Variants in CARMIL1 observed in about 807,000 individuals in gnomAD.
CARMIL1 encodes F-actin-uncapping protein LRRC16A.
Under a neutral mutation model 177.1 loss-of-function variants are expected in CARMIL1, and 90 were observed. The ratio of observed to expected loss-of-function variants is 0.51; its 90% CI spans 0.43 to 0.61. The LOEUF is 0.61. CARMIL1 is among the 20% of genes least tolerant of loss of function. The pLI is 0.00. For synonymous variants in CARMIL1, 577 were observed against 606.2 expected (o/e 0.95, Z 0.71); for missense variants, 1,380 against 1,667.0 (o/e 0.83, Z 3.00).
At chr6:25,300,714 A>T (rs897432850) in intron 2 of CARMIL1, among the ~76,000 whole-genome samples, 1 of 152,208 alleles carries the variant, frequency 6.6e-6, no homozygotes, top group African/African-American at 2.4e-5. Context: ...ACTAAATCAG[A>T]AACTCTGGCA....
chr6:25,369,770 C>T (rs1790221668), intron 2 of CARMIL1, among the ~76,000 whole-genome samples: 1 of 152,104 alleles, frequency 6.6e-6, no homozygotes, highest in Non-Finnish European at 1.5e-5. Context: ...TTGAATTTTC[C>T]CCTTGACTTG....
intron 2 of CARMIL1, among the ~76,000 whole-genome samples, chr6:25,314,753 A>G (rs974274395): frequency 1.3e-5 from 2 of 152,180 alleles, no homozygotes; most frequent in Non-Finnish European, 2.9e-5. Context: ...GGACCTGGCT[A>G]TGATACAGAT....
intron 2 of CARMIL1, among the ~76,000 whole-genome samples, chr6:25,309,766 C>CTT (rs34514583): frequency 8.0e-4 from 94 of 116,896 alleles, no homozygotes; most frequent in African/African-American, 2.5e-3. Context: ...TATACCACAT[C>CTT]TTTTTTTTTT....
intron 2 of CARMIL1, among the ~76,000 whole-genome samples, chr6:25,364,267 A>G (rs1342829781): frequency 4.6e-5 from 7 of 152,096 alleles, no homozygotes; most frequent in African/African-American, 1.7e-4. Context: ...CATAGGTTTT[A>G]CACACATTCT....
chr6:25,381,754 G>A (rs1291311768), intron 2 of CARMIL1, among the ~76,000 whole-genome samples: 1 of 152,164 alleles, frequency 6.6e-6, no homozygotes, highest in Admixed American at 6.5e-5. Flanking sequence ...GAAGCTCTTT[G>A]AACTCTTTAA....
At chr6:25,504,063 A>G (rs1244880718) in intron 17 of CARMIL1, among the ~76,000 whole-genome samples, 5 of 152,174 alleles carry the variant, frequency 3.3e-5, no homozygotes, top group Non-Finnish European at 2.9e-5. Flanking sequence ...GTCATCTTAT[A>G]TTTATAAATA....
chr6:25,552,199 A>G (rs1044934531), intron 27 of CARMIL1, among the ~76,000 whole-genome samples: 1 of 152,146 alleles, frequency 6.6e-6, no homozygotes, highest in African/African-American at 2.4e-5. Flanking sequence ...CTAGCCCTTC[A>G]CTAGGTGTGC....
intron 1 of CARMIL1, among the ~76,000 whole-genome samples, chr6:25,281,134 G>GCACACA (rs1305000773): frequency 1.3e-4 from 9 of 67,930 alleles, no homozygotes; most frequent in African/African-American, 5.0e-4. Flanking sequence ...GTGTGCGCGC[G>GCACACA]CGCACACACA....
intron 2 of CARMIL1, among the ~76,000 whole-genome samples, chr6:25,412,798 T>C (rs1183836843): frequency 6.6e-6 from 1 of 152,160 alleles, no homozygotes; most frequent in Non-Finnish European, 1.5e-5. Flanking sequence ...ACTTATAAGC[T>C]GTAGTTTGCA....
At chr6:25,462,670 G>A (rs1027511846) in intron 8 of CARMIL1, among the ~76,000 whole-genome samples, 1 of 152,152 alleles carries the variant, frequency 6.6e-6, no homozygotes, top group Non-Finnish European at 1.5e-5. Flanking sequence ...GATCTTTTAA[G>A]CCGGTGAGCC....
At chr6:25,290,083 AT>A (rs1287847078) in intron 2 of CARMIL1, among the ~76,000 whole-genome samples, 1 of 152,116 alleles carries the variant, frequency 6.6e-6, no homozygotes, top group Non-Finnish European at 1.5e-5. Context: ...CCTTGGCAGC[AT>A]TTGTCATTGT....
At chr6:25,323,420 C>CAAAAAAAAAA (rs11288797) in intron 2 of CARMIL1, among the ~76,000 whole-genome samples, 4 of 82,378 alleles carry the variant, frequency 4.9e-5, no homozygotes, top group South Asian at 3.9e-4. Context: ...CCTGTCTCTA[C>CAAAAAAAAAA]AAAAAAAAAA....
At chr6:25,474,408 C>A (rs1409210230) in intron 11 of CARMIL1, among the ~76,000 whole-genome samples, 2 of 152,116 alleles carry the variant, frequency 1.3e-5, no homozygotes, top group Non-Finnish European at 2.9e-5. Flanking sequence ...AGCCACCGCA[C>A]CCAGCTGAGT....
chr6:25,351,171 A>G (rs1374071228), intron 2 of CARMIL1, among the ~76,000 whole-genome samples: 4 of 152,174 alleles, frequency 2.6e-5, no homozygotes, highest in Non-Finnish European at 5.9e-5. Context: ...CTACATTGAG[A>G]TGTGCTGTGA....
rs528324765 is a variant in CARMIL1 at position 25,331,975 on chromosome 6, C to T, written c.138+47066C>T. ...TCTCATTTAAAAATCTTGTGTGCTT[C>T]GTTTAAAGAATCAATTAAAATAATA... On this transcript the variant is annotated intron_variant, in intron 2 of 36. Transcript: ENST00000329474. Among the ~76,000 whole-genome samples, 7 of 152,240 alleles carry T rather than the reference C, an allele frequency of 4.6e-5. No homozygotes were observed. The East Asian group carries it at 1.2e-3, about 25-fold the overall frequency.
intron 3 of CARMIL1, among the ~76,000 whole-genome samples, chr6:25,422,916 A>G (rs1795977242): frequency 6.6e-6 from 1 of 152,126 alleles, no homozygotes; most frequent in African/African-American, 2.4e-5. Flanking sequence ...TGATGTATAT[A>G]ATGTTTCACA....
chr6:25,327,065 A>C (rs1279216530), intron 2 of CARMIL1, among the ~76,000 whole-genome samples: 1 of 152,194 alleles, frequency 6.6e-6, no homozygotes, highest in Non-Finnish European at 1.5e-5. Flanking sequence ...TGTAGTTTCA[A>C]ATACAGCTCA....
At chr6:25,495,305 C>T in intron 16 of CARMIL1, 90 bp downstream of exon 16, 2 of 852,028 alleles carry the variant, frequency 2.3e-6, no homozygotes, top group Non-Finnish European at 3.6e-6. Flanking sequence ...ATATATAATC[C>T]AAAGACAAAA....
chr6:25,537,678 A>G (rs781588857), intron 24 of CARMIL1, among the ~76,000 whole-genome samples, 177 bp from the exon 25 acceptor site: 3 of 152,212 alleles, frequency 2.0e-5, no homozygotes, highest in Non-Finnish European at 2.9e-5. Flanking sequence ...AAAGTAAATT[A>G]ATAATTGCTT....
Sources: allele counts gnomAD v4.1 joint callset (sites outside exome capture counted in the v4.1 genomes callset), GRCh38; gene constraint gnomAD v4.1.1; transcripts MANE v1.5; gene names NCBI Gene and HGNC (gene_info 2026-07-23, HGNC 2026-07-21).